The following FALEC variants were observed in gnomAD, a reference collection of about 807,000 sequenced individuals.
FALEC encodes focally amplified lncRNA on chromosome 1.
chr1:150,529,035 A>AAAAAAC, the FALEC span, among the ~76,000 whole-genome samples: 1 of 151,070 alleles, frequency 6.6e-6, no homozygotes, highest in Admixed American at 6.6e-5. Context: ...AAAAAAAAAA[A>AAAAAAC]AAAATCAAAG....
chr1:150,520,328 C>T (rs1382416944), downstream of FALEC, among the ~76,000 whole-genome samples: 1 of 152,156 alleles, frequency 6.6e-6, no homozygotes, highest in Admixed American at 6.5e-5. Context: ...TAACTGGCAT[C>T]CCCCCTCCCT....
chr1:150,533,803 T>C, the FALEC span, among the ~76,000 whole-genome samples: 1 of 151,948 alleles, frequency 6.6e-6, no homozygotes, highest in Non-Finnish European at 1.5e-5. Context: ...CTCAGCAGAG[T>C]CTCTGTGACC....
chr1:150,523,012 C>A (rs1375818707), downstream of FALEC, among the ~76,000 whole-genome samples: 1 of 71,440 alleles, frequency 1.4e-5, no homozygotes. Flanking sequence ...GAGACAGAGT[C>A]TTGCTCTGTC....
intron 1 of FALEC, among the ~76,000 whole-genome samples, chr1:150,517,296 C>CCCAA (rs1670579901): frequency 1.1e-5 from 1 of 93,228 alleles, no homozygotes. Flanking sequence ...GACTCCGTCT[C>CCCAA]AAAAAAAAAA....
At chr1:150,534,833 T>C in the FALEC span, among the ~76,000 whole-genome samples, 6 of 125,248 alleles carry the variant, frequency 4.8e-5, no homozygotes, top group East Asian at 1.3e-3. Flanking sequence ...AGAGCAAGAC[T>C]CTGTCTCAAA....
At chr1:150,527,058 C>T in the FALEC span, among the ~76,000 whole-genome samples, 12 of 150,114 alleles carry the variant, frequency 8.0e-5, 1 homozygote, top group South Asian at 6.4e-4. Context: ...GTCTCAGCCT[C>T]CCTCCCGAGA....
chr1:150,528,384 C>A, the FALEC span, among the ~76,000 whole-genome samples: 16 of 152,124 alleles, frequency 1.1e-4, no homozygotes, highest in African/African-American at 3.9e-4. Flanking sequence ...AGTCAACATC[C>A]TTATGGTTTT....
downstream of FALEC, among the ~76,000 whole-genome samples, chr1:150,518,826 T>C (rs914345568): frequency 6.6e-6 from 1 of 151,380 alleles, no homozygotes; most frequent in African/African-American, 2.4e-5. Flanking sequence ...GGAGGCCGAG[T>C]TGGGCGGATC....
At chr1:150,518,590 G>A (rs1670601184), downstream of FALEC, among the ~76,000 whole-genome samples, 1 of 151,500 alleles carries the variant, frequency 6.6e-6, no homozygotes, top group Non-Finnish European at 1.5e-5. Context: ...GTTTCTCCAT[G>A]TCGTTCAGGC....
At chr1:150,522,975 ATATATATATTT>A (rs1292929445), downstream of FALEC, among the ~76,000 whole-genome samples, 1 of 28,846 alleles carries the variant, frequency 3.5e-5, no homozygotes, top group African/African-American at 1.7e-4. Flanking sequence ...ATATATATAT[ATATATATATTT>A]TTTTTTTTTT....
chr1:150,531,869 G>T, the FALEC span, among the ~76,000 whole-genome samples: 1 of 152,158 alleles, frequency 6.6e-6, no homozygotes, highest in Non-Finnish European at 1.5e-5. Flanking sequence ...CAGCTATAAA[G>T]GTGTCCCACT....
At chr1:150,532,689 C>T in the FALEC span, among the ~76,000 whole-genome samples, 1 of 152,054 alleles carries the variant, frequency 6.6e-6, no homozygotes. Flanking sequence ...GTGCGCCAGG[C>T]CCTGTTCTGG....
chr1:150,536,265 T>A, the FALEC span, among the ~76,000 whole-genome samples: 1 of 152,218 alleles, frequency 6.6e-6, no homozygotes, highest in Non-Finnish European at 1.5e-5. Flanking sequence ...CATTGATCAC[T>A]GTCATCCATG....
chr1:150,526,316 C>T, the FALEC span, among the ~76,000 whole-genome samples: 1 of 148,326 alleles, frequency 6.7e-6, no homozygotes, highest in African/African-American at 2.5e-5. Context: ...TGCCACTGCA[C>T]TCCAGCCTGG....
At chr1:150,534,779 T>C in the FALEC span, among the ~76,000 whole-genome samples, 1 of 149,996 alleles carries the variant, frequency 6.7e-6, no homozygotes, top group Non-Finnish European at 1.5e-5. Context: ...GAGTTGGAGG[T>C]TGCAGTGAGC....
At chr1:150,528,651 G>A in the FALEC span, among the ~76,000 whole-genome samples, 3 of 150,032 alleles carry the variant, frequency 2.0e-5, no homozygotes, top group East Asian at 2.0e-4. Flanking sequence ...GTGCAATCTC[G>A]GTTCACTGCA....
chr1:150,522,904 C>CATATATACATATATATATACAT (rs1378545478), downstream of FALEC, among the ~76,000 whole-genome samples: 2 of 72,098 alleles, frequency 2.8e-5, no homozygotes, highest in Non-Finnish European at 5.0e-5. Context: ...TATATATATA[C>CATATATACATATATATATACAT]ATATATATAC....
chr1:150,522,947 GTGTATATA>G (rs758626161), downstream of FALEC, among the ~76,000 whole-genome samples: 884 of 13,848 alleles, frequency 0.064, 219 homozygotes, highest in Middle Eastern at 0.29. Flanking sequence ...GTGTGTGTGT[GTGTATATA>G]TATATATATA....
the FALEC span, among the ~76,000 whole-genome samples, chr1:150,525,721 T>C: frequency 6.6e-6 from 1 of 151,990 alleles, no homozygotes; most frequent in African/African-American, 2.4e-5. Context: ...CCACCTAGAG[T>C]TGATTTTACA....
Sources: allele counts gnomAD v4.1 joint callset (sites outside exome capture counted in the v4.1 genomes callset), GRCh38; gene constraint gnomAD v4.1.1; transcripts MANE v1.5; gene names NCBI Gene and HGNC (gene_info 2026-07-23, HGNC 2026-07-21).